The following PDZRN4 variants were observed in gnomAD, a reference collection of about 807,000 sequenced individuals.
The protein encoded by PDZRN4 is PDZ domain-containing RING finger protein 4.
Under a neutral mutation model 99.0 loss-of-function variants are expected in PDZRN4, and 70 were observed. The observed-to-expected ratio is 0.71, with a 90% CI of 0.58 to 0.86. The LOEUF (loss-of-function observed/expected upper bound fraction) is 0.86, where lower values mean the gene tolerates loss of function less well. Among genes scored for constraint, PDZRN4 ranks in the 40% least tolerant of loss-of-function variants. The pLI is 0.00. For missense variants in PDZRN4, 1,474 were observed against 1,331.2 expected, an observed-to-expected ratio of 1.11 and a Z score of -1.67; for synonymous variants, 551 against 501.6, an observed-to-expected ratio of 1.10 and a Z score of -1.32.
At chr12:41,442,794 A>G (rs1368796540) in intron 3 of PDZRN4, among the ~76,000 whole-genome samples, 1 of 152,142 alleles carries the variant, frequency 6.6e-6, no homozygotes, top group Non-Finnish European at 1.5e-5. Flanking sequence ...GTGTTCCACC[A>G]TATCTATGAG....
At chr12:41,204,548 C>T (rs1950835800) in intron 3 of PDZRN4, among the ~76,000 whole-genome samples, 1 of 151,848 alleles carries the variant, frequency 6.6e-6, no homozygotes, top group South Asian at 2.1e-4. Context: ...CAACAATGAC[C>T]AAAGGTAAAA....
rs148204744 is a variant in PDZRN4 at position 41,275,841 on chromosome 12, G to T, written c.843+81653G>T. Among the ~76,000 whole-genome samples, 151 of 152,260 alleles carry T rather than the reference G, an allele frequency of 9.9e-4. 3 individuals are homozygous for T. The highest frequency in any genetic ancestry group is 3.5e-3 in the African/African-American group (146 of 41,554). ...TTTCACTTTTTAAAATAAAAATGGA[G>T]ACTCATTGAATCTAAGGAAATAATT... On this transcript the variant is annotated intron_variant, in intron 3 of 9. Coordinates refer to ENST00000402685, the MANE Select transcript of PDZRN4 (RefSeq NM_001164595.2).
intron 3 of PDZRN4, among the ~76,000 whole-genome samples, chr12:41,474,691 C>T (rs79181041): frequency 0.012 from 1,846 of 152,130 alleles, 42 homozygotes; most frequent in African/African-American, 0.042. Context: ...AATGGGAAGT[C>T]GGGTGGAGGA....
intron 3 of PDZRN4, among the ~76,000 whole-genome samples, chr12:41,354,133 T>C (rs1688031306): frequency 6.6e-6 from 1 of 152,074 alleles, no homozygotes; most frequent in Admixed American, 6.6e-5. Context: ...AACAAATATA[T>C]AATTAGGCGA....
At chr12:41,543,074 A>G (rs1244906693) in intron 5 of PDZRN4, among the ~76,000 whole-genome samples, 2 of 152,146 alleles carry the variant, frequency 1.3e-5, no homozygotes, top group African/African-American at 2.4e-5. Flanking sequence ...CTCTTAATAC[A>G]TCCCTAAACC....
chr12:41,470,073 T>C (rs1217555626), intron 3 of PDZRN4, among the ~76,000 whole-genome samples: 1 of 152,212 alleles, frequency 6.6e-6, no homozygotes, highest in African/African-American at 2.4e-5. Context: ...GTGTATGGCA[T>C]TCATTTATTT....
chr12:41,227,049 T>C (rs1401818106), intron 3 of PDZRN4, among the ~76,000 whole-genome samples: 26 of 152,172 alleles, frequency 1.7e-4, no homozygotes, highest in Admixed American at 1.5e-3. Context: ...CCTATCCAAA[T>C]TGGTAGAGTT....
intron 3 of PDZRN4, among the ~76,000 whole-genome samples, chr12:41,456,963 A>G (rs997129009): frequency 6.6e-6 from 1 of 152,208 alleles, no homozygotes; most frequent in Non-Finnish European, 1.5e-5. Context: ...GTTTGCAGCC[A>G]TAGTGTGTGG....
At chr12:41,528,223 T>A (rs1170552928) in intron 5 of PDZRN4, among the ~76,000 whole-genome samples, 1 of 147,636 alleles carries the variant, frequency 6.8e-6, no homozygotes, top group East Asian at 2.0e-4. Context: ...TGTTTTTGTT[T>A]TTAGGACTTA....
intron 3 of PDZRN4, among the ~76,000 whole-genome samples, chr12:41,442,968 T>G (rs1173615848): frequency 6.6e-6 from 1 of 152,186 alleles, no homozygotes; most frequent in East Asian, 1.9e-4. Flanking sequence ...GAGGTGTCTG[T>G]TCCTTAAAAT....
At chr12:41,495,210 A>G (rs1179341600) in intron 3 of PDZRN4, among the ~76,000 whole-genome samples, 4 of 152,168 alleles carry the variant, frequency 2.6e-5, no homozygotes, top group African/African-American at 7.2e-5. Context: ...CAGTTACCCA[A>G]TTGGCTAGGT....
intron 2 of PDZRN4, among the ~76,000 whole-genome samples, chr12:41,192,736 A>G (rs913542352): frequency 1.3e-5 from 2 of 152,184 alleles, no homozygotes; most frequent in Non-Finnish European, 2.9e-5. Flanking sequence ...TTAAAGAAAA[A>G]CAGTTGATTA....
intron 3 of PDZRN4, among the ~76,000 whole-genome samples, chr12:41,404,014 A>T (rs1476060254): frequency 6.6e-6 from 1 of 152,148 alleles, no homozygotes; most frequent in Non-Finnish European, 1.5e-5. Flanking sequence ...GAAGTTCTTT[A>T]TATAAAATGG....
intron 3 of PDZRN4, among the ~76,000 whole-genome samples, chr12:41,504,249 C>G (rs1359494364): frequency 1.3e-5 from 2 of 151,964 alleles, no homozygotes; most frequent in African/African-American, 4.8e-5. Context: ...GCCTGGGCAA[C>G]AGAGCAAGAC....
intron 5 of PDZRN4, among the ~76,000 whole-genome samples, chr12:41,516,270 A>G (rs986213776): frequency 1.3e-5 from 2 of 152,042 alleles, no homozygotes; most frequent in African/African-American, 4.8e-5. Context: ...GTCTTTCATA[A>G]TAGAAGTGAC....
chr12:41,214,698 T>C (rs1950909917), intron 3 of PDZRN4, among the ~76,000 whole-genome samples: 1 of 151,988 alleles, frequency 6.6e-6, no homozygotes, highest in Non-Finnish European at 1.5e-5. Flanking sequence ...AAATGACTTT[T>C]TTTTCACATT....
Position 41,227,912 on chromosome 12 carries a change from CACACACA to C in PDZRN4, c.843+33725_843+33731del, listed in dbSNP as rs1389476960. ...ACACACACACACACACACACACACA[CACACACA>C]CCAGAAGGGTTGAAATGGTATATTA... On this transcript the variant is annotated intron_variant, in intron 3 of 9. Transcript: ENST00000402685. Among the ~76,000 whole-genome samples, 1,205 of 148,372 alleles carry C rather than the reference CACACACA, an allele frequency of 8.1e-3. 12 individuals carry two copies. Among genetic ancestry groups the C allele is most frequent in the South Asian group, 0.024 (111 of 4,586 alleles).
intron 5 of PDZRN4, among the ~76,000 whole-genome samples, chr12:41,523,023 G>T (rs1938518402): frequency 6.6e-6 from 1 of 152,046 alleles, no homozygotes; most frequent in Non-Finnish European, 1.5e-5. Flanking sequence ...AAGAGAAGTT[G>T]TATTTAGGTA....
At chr12:41,410,969 C>T (rs903911344) in intron 3 of PDZRN4, among the ~76,000 whole-genome samples, 1 of 151,930 alleles carries the variant, frequency 6.6e-6, no homozygotes, top group African/African-American at 2.4e-5. Context: ...GCCCATACCT[C>T]CAAGGTTCAA....
Sources: gnomAD v4.1 joint callset for allele counts (sites outside exome capture counted in the v4.1 genomes callset) on GRCh38, gnomAD v4.1.1 for gene constraint, MANE v1.5 for transcripts, NCBI Gene and HGNC (gene_info 2026-07-23, HGNC 2026-07-21) for gene names.